The following MARCHF3 variants were observed in gnomAD, a reference collection of about 807,000 sequenced individuals.
MARCHF3 encodes membrane associated ring-CH-type finger 3.
A neutral mutation model predicts 24.2 loss-of-function variants in MARCHF3; 13 were observed. The observed-to-expected ratio is 0.54, with a 90% CI of 0.35 to 0.85. MARCHF3 has a LOEUF of 0.85. Ranked by LOEUF, MARCHF3 falls within the 40% of genes least tolerant of loss-of-function variation. MARCHF3 has a pLI of 0.01. For synonymous variants in MARCHF3, 144 were observed against 137.3 expected, an observed-to-expected ratio of 1.05 and a Z score of -0.34; for missense variants, 276 against 325.0, an observed-to-expected ratio of 0.85 and a Z score of 1.16.
chr5:126,974,718 CT>C (rs374028811), intron 1 of MARCHF3, among the ~76,000 whole-genome samples: 9 of 152,332 alleles, frequency 5.9e-5, no homozygotes, highest in African/African-American at 2.2e-4. Context: ...GTTACGGAGA[CT>C]GTGTTTACTC....
intron 1 of MARCHF3, among the ~76,000 whole-genome samples, chr5:126,973,337 A>G (rs374376154): frequency 7.2e-5 from 11 of 152,348 alleles, no homozygotes; most frequent in Admixed American, 2.0e-4. Context: ...GCTAGGTTGC[A>G]CTAACCCAGT....
intron 1 of MARCHF3, among the ~76,000 whole-genome samples, chr5:126,963,609 A>C (rs1750715989): frequency 6.6e-6 from 1 of 152,220 alleles, no homozygotes; most frequent in African/African-American, 2.4e-5. Context: ...AATTGGATCT[A>C]AGATACTAAG....
chr5:126,973,363 C>T (rs1206588989), intron 1 of MARCHF3, among the ~76,000 whole-genome samples: 2 of 152,242 alleles, frequency 1.3e-5, no homozygotes, highest in Non-Finnish European at 2.9e-5. Context: ...CATTCTGTAT[C>T]AGCCTGCAGT....
Position 126,918,227 on chromosome 5 carries a change from T to C in MARCHF3, c.-56A>G. On this transcript the variant is annotated splice_region_variant and 5_prime_UTR_variant, in exon 2 of 5. It removes an upstream start codon present in the reference 5' UTR. Coordinates refer to ENST00000308660, the MANE Select transcript of MARCHF3 (RefSeq NM_178450.5). ...CTTCCACATTCATACAGGATTTCCA[T>C]CTAAGAGAGATCAGAAAACAGTTTA... 1 of 1,528,312 alleles carries C rather than the reference T, an allele frequency of 6.5e-7. No individual in the cohort carries two copies. Among genetic ancestry groups the C allele is most frequent in the Non-Finnish European group, 8.8e-7 (1 of 1,137,176 alleles). The allele number at this position is 1,528,312 out of a possible 1,614,324, so 94.7% of individuals were successfully genotyped here. A position where few individuals can be genotyped will look rare whatever the true frequency, so the allele number is the denominator to read the frequency against.
intron 1 of MARCHF3, among the ~76,000 whole-genome samples, chr5:126,975,746 T>C (rs1580698983): frequency 6.6e-6 from 1 of 152,214 alleles, no homozygotes; most frequent in East Asian, 1.9e-4. Flanking sequence ...TTGAGGTCCA[T>C]GTGGGTGAAG....
chr5:126,960,785 G>A (rs914485664), intron 1 of MARCHF3, among the ~76,000 whole-genome samples: 1 of 152,022 alleles, frequency 6.6e-6, no homozygotes, highest in African/African-American at 2.4e-5. Context: ...TAGCAGTGTG[G>A]CAAATACCAT....
chr5:127,008,334 G>C (rs1752372284), intron 1 of MARCHF3, among the ~76,000 whole-genome samples: 1 of 152,120 alleles, frequency 6.6e-6, no homozygotes, highest in Non-Finnish European at 1.5e-5. Flanking sequence ...TTCTTTCCTA[G>C]TGGCTCCAGA....
In MARCHF3 at chr5:126,869,152, A is replaced by G. The variant is rs1297536659; in HGVS notation, c.*1481T>C. On this transcript the variant is annotated 3_prime_UTR_variant, in exon 5 of 5. Transcript: ENST00000308660. The stretch of plus-strand genomic sequence containing the variant: ...CAGCTCCATCAATTTGCAGACAAAA[A>G]TCGCTACCCTCCTCGCTGCCTGTTC... The G allele has an allele frequency of 6.6e-6, 1 of 152,214 alleles. No individual in the cohort carries two copies. The highest frequency in any genetic ancestry group is 1.5e-5 in the Non-Finnish European group (1 of 68,050). The allele number at this position is 152,214 out of a possible 1,614,324, so 9.4% of individuals were successfully genotyped here.
intron 3 of MARCHF3, among the ~76,000 whole-genome samples, chr5:126,903,385 C>T (rs1754170311): frequency 6.6e-6 from 1 of 152,050 alleles, no homozygotes; most frequent in Admixed American, 6.6e-5. Context: ...TGATACTAGT[C>T]CAACTACCTT....
intron 1 of MARCHF3, among the ~76,000 whole-genome samples, chr5:126,992,765 G>GTT (rs1751812994): frequency 8.6e-6 from 1 of 116,116 alleles, no homozygotes. Flanking sequence ...ACATCCACGT[G>GTT]ATTTTTTTTT....
chr5:126,896,078 GC>G (rs1461152454), intron 3 of MARCHF3, among the ~76,000 whole-genome samples: 1 of 152,172 alleles, frequency 6.6e-6, no homozygotes, highest in African/African-American at 2.4e-5. Context: ...TTTTCCAGGT[GC>G]CGTCCGTCAC....
intron 3 of MARCHF3, among the ~76,000 whole-genome samples, chr5:126,878,898 T>C (rs1753259684): frequency 6.6e-6 from 1 of 152,230 alleles, no homozygotes; most frequent in African/African-American, 2.4e-5. Flanking sequence ...ACATTTTACC[T>C]GATAAGAGTA....
At chr5:126,920,071 G>A (rs1394331294) in intron 1 of MARCHF3, among the ~76,000 whole-genome samples, 4 of 152,018 alleles carry the variant, frequency 2.6e-5, no homozygotes, top group South Asian at 2.1e-4. Context: ...ATTAGTATAC[G>A]GTATGTTATA....
At chr5:126,979,760 C>T (rs559498995) in intron 1 of MARCHF3, among the ~76,000 whole-genome samples, 54 of 152,038 alleles carry the variant, frequency 3.6e-4, no homozygotes, top group African/African-American at 1.2e-3. Context: ...ACCAGCCTGA[C>T]CAACATGGAG....
Position 126,870,812 on chromosome 5 carries a change from G to GT in MARCHF3, c.604-22dup, listed in dbSNP as rs759120074. On this transcript the variant is annotated intron_variant, in intron 4 of 4. Coordinates refer to ENST00000308660, the MANE Select transcript of MARCHF3 (RefSeq NM_178450.5). ...GACACCTGGGGATGGGAGAGGAAAA[G>GT]TAAGAGAAAAGAATTCAGGTCAGCA... The GT allele has an allele frequency of 1.1e-5, 17 of 1,612,476 alleles. No homozygotes were observed. The African/African-American group carries it at 2.3e-4, about 21-fold the overall frequency.
chr5:126,989,394 G>A (rs1561461853), intron 1 of MARCHF3, among the ~76,000 whole-genome samples: 1 of 151,934 alleles, frequency 6.6e-6, no homozygotes, highest in East Asian at 1.9e-4. Flanking sequence ...AGGTTTAGAG[G>A]CTAAAGCAGT....
At chr5:127,018,954 T>C (rs1453247740) in intron 1 of MARCHF3, among the ~76,000 whole-genome samples, 1 of 152,230 alleles carries the variant, frequency 6.6e-6, no homozygotes, top group Non-Finnish European at 1.5e-5. Flanking sequence ...TCAGTATTGT[T>C]AATGCTATGA....
At chr5:126,982,502 C>T (rs1279468986) in intron 1 of MARCHF3, among the ~76,000 whole-genome samples, 1 of 152,152 alleles carries the variant, frequency 6.6e-6, no homozygotes, top group Admixed American at 6.5e-5. Context: ...CAGCTCTTCC[C>T]AAGGCAGTCT....
intron 3 of MARCHF3, among the ~76,000 whole-genome samples, chr5:126,910,601 CT>C (rs1427714000): frequency 1.3e-5 from 2 of 152,194 alleles, no homozygotes; most frequent in African/African-American, 4.8e-5. Context: ...TTACGCCTGT[CT>C]TTACTGCAGT....
Sources: gnomAD v4.1 joint callset for allele counts (sites outside exome capture counted in the v4.1 genomes callset) on GRCh38, gnomAD v4.1.1 for gene constraint, MANE v1.5 for transcripts, NCBI Gene and HGNC (gene_info 2026-07-23, HGNC 2026-07-21) for gene names.